MYBPC1: variants seen among roughly 807,000 people sequenced by gnomAD.
MYBPC1 encodes myosin-binding protein C, slow-type.
Under a neutral mutation model 147.1 loss-of-function variants are expected in MYBPC1, and 52 were observed. That is an observed-to-expected ratio of 0.35 (90% confidence interval 0.28 to 0.45). MYBPC1 has a LOEUF of 0.45. MYBPC1 is among the 20% of genes least tolerant of loss of function. MYBPC1 has a pLI of 1.00. For synonymous variants in MYBPC1, 477 were observed against 475.9 expected (o/e 1.00, Z -0.03); for missense variants, 1,228 against 1,440.3 (o/e 0.85, Z 2.39).
Position 101,663,532 on chromosome 12 carries a change from C to T in MYBPC1, c.2328C>T (p.Gly776=). 1 of 1,614,066 alleles carries T rather than the reference C, an allele frequency of 6.2e-7. No individual in the cohort carries two copies. The change falls in exon 22 of 32, where the codon GGC becomes GGT. Residue 776 remains glycine, a synonymous_variant. Coordinates refer to ENST00000361466, the MANE Select transcript of MYBPC1 (RefSeq NM_002465.4). ...PDHIGAAGLD[G]YVLEYCFEGT... is the part of the protein sequence containing the mutation. ...ACATTGGTGCAGCAGGTTTAGATGG[C>T]TATGTGCTAGAGTATTGCTTTGAAG...
chr12:101,664,546 T>C (rs1897117307), intron 22 of MYBPC1: 2 of 152,130 alleles, frequency 1.3e-5, no homozygotes, highest in Admixed American at 6.6e-5. Flanking sequence ...TGAACGCAAA[T>C]GCACCTCCCC....
chr12:101,636,017 C>A (rs978758185), intron 9 of MYBPC1, among the ~76,000 whole-genome samples: 1 of 152,020 alleles, frequency 6.6e-6, no homozygotes, highest in Non-Finnish European at 1.5e-5. Flanking sequence ...ATTAACAATT[C>A]AAGACAAATT....
rs1353090787 is a variant in MYBPC1 at position 101,673,546 on chromosome 12, C to G, written c.2733C>G (p.Ser911Arg). 1 of 1,614,076 alleles carries G rather than the reference C, an allele frequency of 6.2e-7. No individual in the cohort carries two copies. The highest frequency in any genetic ancestry group is 1.1e-5 in the South Asian group (1 of 91,074). ...TATTTATTAGAAAAGCAGAGAGGAG[C>G]CACTCTGGGAAATATGATCTGCAAG... Reference protein sequence around the residue: ...TIIFIRKAERSHSGKYDLQVK... With the variant: ...TIIFIRKAERRHSGKYDLQVK... The change falls in exon 25 of 32, where the codon AGC (serine) becomes AGG (arginine). Residue 911 changes from serine to arginine, a missense_variant. Ser to Arg is a moderately radical substitution (Grantham distance 110). This residue lies in a region of MYBPC1 where 1,077 missense variants were observed against 1,314.2 expected (regional missense o/e 0.82). Coordinates refer to ENST00000361466, the MANE Select transcript of MYBPC1 (RefSeq NM_002465.4).
chr12:101,646,840 AT>A lies in MYBPC1; in HGVS notation c.1044del (p.Tyr348Ter). 1 of 1,614,082 alleles carries A rather than the reference AT, an allele frequency of 6.2e-7. No individual in the cohort carries two copies. The highest frequency in any genetic ancestry group is 2.2e-5 in the East Asian group (1 of 44,880). ...NCQMTDDSEY[Y>X]VTAGDEKCST... ...CAGATGACAGATGATTCAGAGTATT[AT>A]GTGACAGCCGGTGATGAGAAATGTT... On this transcript the variant is annotated frameshift_variant, in exon 13 of 32. Transcript: ENST00000361466. LOFTEE classifies it high-confidence loss of function.
chr12:101,632,642 T>C (rs1202175249), intron 8 of MYBPC1, among the ~76,000 whole-genome samples: 2 of 152,232 alleles, frequency 1.3e-5, no homozygotes, highest in East Asian at 1.9e-4. Flanking sequence ...TTTACAAGTA[T>C]ACAAAGGAAA....
intron 1 of MYBPC1, among the ~76,000 whole-genome samples, chr12:101,605,051 T>C (rs1881602399): frequency 6.6e-6 from 1 of 152,190 alleles, no homozygotes; most frequent in South Asian, 2.1e-4. Flanking sequence ...TAGGGCCTTC[T>C]TCCATGAGGA....
intron 1 of MYBPC1, among the ~76,000 whole-genome samples, chr12:101,597,134 T>G (rs1394136232): frequency 6.6e-6 from 1 of 152,218 alleles, no homozygotes; most frequent in Non-Finnish European, 1.5e-5. Context: ...ACTATTCTGG[T>G]CCTTTCTTCT....
chr12:101,615,188 A>G (rs984438813), intron 2 of MYBPC1, among the ~76,000 whole-genome samples: 1 of 152,204 alleles, frequency 6.6e-6, no homozygotes, highest in Non-Finnish European at 1.5e-5. Flanking sequence ...TTATGTCCAC[A>G]TACACCTAAA....
At chr12:101,685,414 A>T (rs1191856845) in intron 31 of MYBPC1, among the ~76,000 whole-genome samples, 168 bp from the exon 32 acceptor site, 1 of 152,204 alleles carries the variant, frequency 6.6e-6, no homozygotes, top group Non-Finnish European at 1.5e-5. Context: ...TAAATTCTAA[A>T]TGTACTAAAT....
intron 1 of MYBPC1, among the ~76,000 whole-genome samples, chr12:101,605,697 C>T (rs779046597): frequency 3.3e-5 from 5 of 151,936 alleles, no homozygotes; most frequent in Admixed American, 6.6e-5. Flanking sequence ...CTTGTCTCTA[C>T]TAAAAATACA....
rs1224250121 is a variant in MYBPC1, at chr12:101,673,516, A to G, written c.2703A>G (p.Thr901=). The change falls in exon 25 of 32, where the codon ACA becomes ACG. Residue 901 remains threonine (T), a synonymous_variant. Coordinates refer to ENST00000361466, the MANE Select transcript of MYBPC1 (RefSeq NM_002465.4). ...QINIRNSETD[T]IIFIRKAERS... The stretch of plus-strand genomic sequence containing the variant: ...ACATTCGCAACTCTGAGACTGATAC[A>G]ATCATATTTATTAGAAAAGCAGAGA... 2.5e-6 allele frequency: 4 copies of G among 1,614,004 alleles called. No individual in the cohort carries two copies. Among genetic ancestry groups the G allele is most frequent in the South Asian group, 1.1e-5 (1 of 91,088 alleles).
chr12:101,677,173 A>G (rs1900189455), intron 26 of MYBPC1, 62 bp from the exon 27 acceptor site: 1 of 1,528,032 alleles, frequency 6.5e-7, no homozygotes, highest in Admixed American at 1.7e-5. Context: ...CCCAATCTAC[A>G]GTTAGAAAAA....
Position 101,652,749 on chromosome 12 carries a change from A to C in MYBPC1, c.1598A>C (p.Tyr533Ser). 1 of 1,613,878 alleles carries C rather than the reference A, an allele frequency of 6.2e-7. No homozygotes were observed. Residue 533 changes from tyrosine to serine, a missense_variant, in exon 17 of 32, where the codon TAC becomes TCC. Tyr to Ser is a moderately radical substitution (Grantham distance 144, BLOSUM62 -2). Transcript: ENST00000361466. ...EGDYVFAPDA[Y>S]NVTLPAKVHV... ...GATTATGTATTTGCACCTGATGCCT[A>C]CAATGTTACTCTGCCTGCCAAAGTT...
intron 1 of MYBPC1, among the ~76,000 whole-genome samples, chr12:101,610,276 C>T (rs573842588): frequency 2.0e-5 from 3 of 152,274 alleles, no homozygotes; most frequent in African/African-American, 4.8e-5. Flanking sequence ...TTAATTGAAT[C>T]GTTGATTGAT....
chr12:101,663,199 C>T (rs1020244532), intron 21 of MYBPC1, among the ~76,000 whole-genome samples: 2 of 152,112 alleles, frequency 1.3e-5, no homozygotes, highest in African/African-American at 2.4e-5. Context: ...CTTCCCACAC[C>T]GGCTTCTCAA....
intron 6 of MYBPC1, 39 bp downstream of exon 6, chr12:101,629,583 T>G (rs1005035528): frequency 5.4e-6 from 8 of 1,485,992 alleles, no homozygotes; most frequent in Non-Finnish European, 7.5e-6. Context: ...TTTTAAAAAA[T>G]TAAGGTGAGC....
chr12:101,650,364 A>G (rs1006796129), intron 15 of MYBPC1, among the ~76,000 whole-genome samples: 7 of 152,192 alleles, frequency 4.6e-5, no homozygotes, highest in Non-Finnish European at 8.8e-5. Flanking sequence ...TGGGTAATCT[A>G]TAAAGGAAAA....
In MYBPC1 at chr12:101,676,395, T is replaced by A. The variant is rs140724863; in HGVS notation, c.2950-840T>A. Reference sequence around the variant, plus strand: ...TGGAGGTTGTAGTGAGCTGAGATTGTGCCACTGTACTGTAGCCAGGATGAC... The same window carrying A: ...TGGAGGTTGTAGTGAGCTGAGATTGAGCCACTGTACTGTAGCCAGGATGAC... On this transcript the variant is annotated intron_variant, in intron 26 of 31. Coordinates refer to ENST00000361466, the MANE Select transcript of MYBPC1 (RefSeq NM_002465.4). 2.0e-5 allele frequency among the ~76,000 whole-genome samples: 3 copies of A among 152,030 alleles called. No homozygotes were observed. The East Asian group carries it at 5.8e-4, about 29-fold the overall frequency.
At chr12:101,687,761 T>C (rs1426113489), downstream of MYBPC1, among the ~76,000 whole-genome samples, 1 of 152,234 alleles carries the variant, frequency 6.6e-6, no homozygotes, top group African/African-American at 2.4e-5. Flanking sequence ...CTGAGCACTT[T>C]GGCCAAGACA....
Sources: gnomAD v4.1 joint callset for allele counts (sites outside exome capture counted in the v4.1 genomes callset) on GRCh38, gnomAD v4.1.1 for gene constraint, gnomAD v4.1.1 regional missense constraint, MANE v1.5 for transcripts, NCBI Gene and HGNC (gene_info 2026-07-23, HGNC 2026-07-21) for gene names.